The following SERPINA11 variants were observed in gnomAD, a reference collection of about 807,000 sequenced individuals.
SERPINA11 encodes serpin family A member 11.
A neutral mutation model predicts 29.4 loss-of-function variants in SERPINA11; 28 were observed. That is an observed-to-expected ratio of 0.95 (90% CI 0.70 to 1.30). SERPINA11 has a LOEUF of 1.30. SERPINA11 is among the 50% of genes most tolerant of loss of function. SERPINA11 has a pLI of 0.00. For synonymous variants in SERPINA11, 253 were observed against 206.6 expected (o/e 1.22, Z -1.92); for missense variants, 530 against 507.3 (o/e 1.04, Z -0.43).
At chr14:94,443,034 A>T in intron 4 of SERPINA11, 44 bp downstream of exon 4, 1 of 1,576,176 alleles carries the variant, frequency 6.3e-7, no homozygotes, top group Non-Finnish European at 8.6e-7. Context: ...GAAACCTCCT[A>T]CCTACCCCCA....
intron 1 of SERPINA11, among the ~76,000 whole-genome samples, chr14:94,450,043 G>C (rs537719553): frequency 6.6e-6 from 1 of 152,302 alleles, no homozygotes; most frequent in Admixed American, 6.5e-5. Context: ...CCAGGAGTGG[G>C]GAGCAAAGTA....
rs1898499891 is a variant in SERPINA11, at chr14:94,448,763, A to G, written c.12T>C (p.Ala4=). 6.6e-7 allele frequency: 1 copy of G among 1,510,788 alleles called. No individual in the cohort carries two copies. Among genetic ancestry groups the G allele is most frequent in the East Asian group, 2.3e-5 (1 of 43,904 alleles). The allele number at this position is 1,510,788 out of a possible 1,614,324, so 93.6% of individuals were successfully genotyped here. A position where few individuals can be genotyped will look rare whatever the true frequency, so the allele number is the denominator to read the frequency against. ...TCCCTGTTCCCAGTAGCCAAAGCCAAGCTGGACCCATTCTCTGAAAACAAG... is the reference window on the plus strand; with the variant it reads ...TCCCTGTTCCCAGTAGCCAAAGCCAGGCTGGACCCATTCTCTGAAAACAAG... The part of the protein sequence containing the change: MGP[A]WLWLLGTGIL... The change falls in exon 2 of 5, where the codon GCT becomes GCC. Residue 4 remains alanine (A), a synonymous_variant. Transcript: ENST00000334708.
rs774729784 is a variant in SERPINA11 at position 94,446,350 on chromosome 14, C to T, written c.898G>A (p.Gly300Ser). Residue 300 changes from glycine (G) to serine (S), a missense_variant, in exon 3 of 5, where the codon GGC becomes AGC. Physicochemically the swap from Gly to Ser is moderately conservative, Grantham distance 56. Transcript: ENST00000334708. ...ALQPQTLRKW[G>S]QLLLPSLLDL... The stretch of plus-strand genomic sequence containing the variant: ...ACTTACCTGGGCAGGAGCAATTGGC[C>T]CCATTTTCTCAGGGTCTGTGGCTGC... The T allele has an allele frequency of 1.9e-6, 3 of 1,613,188 alleles. No individual in the cohort carries two copies. The highest frequency in any genetic ancestry group is 3.3e-5 in the Admixed American group (2 of 59,954).
At chr14:94,448,924 G>A (rs1898503241) in intron 1 of SERPINA11, 147 bp from the exon 2 acceptor site, 1 of 644,302 alleles carries the variant, frequency 1.6e-6, no homozygotes, top group East Asian at 2.9e-5. Flanking sequence ...GGATGATTAG[G>A]ATTCTGGACA....
intron 2 of SERPINA11, 144 bp from the exon 3 acceptor site, chr14:94,446,748 T>G (rs1898447150): frequency 6.5e-6 from 5 of 763,680 alleles, no homozygotes; most frequent in African/African-American, 1.7e-5. Context: ...GAGACCAGAA[T>G]TTAGGCCTGG....
At chr14:94,449,447 TTC>T (rs1414872678) in intron 1 of SERPINA11, among the ~76,000 whole-genome samples, 1 of 112,224 alleles carries the variant, frequency 8.9e-6, no homozygotes, top group African/African-American at 5.0e-5. Flanking sequence ...CTTTCTTTCT[TTC>T]TTTCTTTCTT....
chr14:94,448,431 A>C lies in SERPINA11; in HGVS notation c.344T>G (p.Ile115Ser). The C allele has an allele frequency of 6.2e-7, 1 of 1,614,124 alleles. No homozygotes were observed. The highest frequency in any genetic ancestry group is 8.5e-7 in the Non-Finnish European group (1 of 1,180,022). ...GAGGAGGCTCCGGAAGCCCTGGTGGATGTCGGCTTCAGGGGTTTCTGTGAG... is the reference window on the plus strand; with the variant it reads ...GAGGAGGCTCCGGAAGCCCTGGTGGCTGTCGGCTTCAGGGGTTTCTGTGAG... ...FNLTETPEAD[I>S]HQGFRSLLHT... is the part of the protein sequence containing the mutation. The change falls in exon 2 of 5, where the codon ATC becomes AGC. Residue 115 changes from isoleucine to serine, a missense_variant. Transcript: ENST00000334708.
Position 94,448,347 on chromosome 14 carries a change from AG to A in SERPINA11, c.427del (p.Leu143Ter). The A allele has an allele frequency of 1.2e-6, 2 of 1,614,228 alleles. No individual in the cohort carries two copies. Among genetic ancestry groups the A allele is most frequent in the Non-Finnish European group, 1.7e-6 (2 of 1,180,048 alleles). ...LELKVGNSLF[L>X]DKRLKPRQHY... ...CTGCCGAGGCTTTAGTCGCTTGTCT[AG>A]GAACAGGGAGTTTCCTACTTTTAGT... is the stretch of plus-strand genomic sequence containing the variant. On this transcript the variant is annotated frameshift_variant, in exon 2 of 5. Coordinates refer to ENST00000334708, the MANE Select transcript of SERPINA11 (RefSeq NM_001080451.2). LOFTEE classifies it high-confidence loss of function.
intron 1 of SERPINA11, among the ~76,000 whole-genome samples, chr14:94,451,014 G>A (rs1189040272): frequency 2.0e-5 from 3 of 152,098 alleles, no homozygotes; most frequent in Non-Finnish European, 2.9e-5. Flanking sequence ...CTCTTCCACC[G>A]TTCCATTCAT....
Position 94,448,643 on chromosome 14 carries a change from G to T in SERPINA11, c.132C>A (p.Ala44=), listed in dbSNP as rs1293680666. 6.2e-7 allele frequency: 1 copy of T among 1,601,294 alleles called. No homozygotes were observed. Among genetic ancestry groups the T allele is most frequent in the Non-Finnish European group, 8.5e-7 (1 of 1,172,426 alleles). The change falls in exon 2 of 5, where the codon GCC becomes GCA. Residue 44 remains alanine (A), a synonymous_variant. Coordinates refer to ENST00000334708, the MANE Select transcript of SERPINA11 (RefSeq NM_001080451.2). The part of the protein sequence containing the change: ...QPPRHQLSEP[A]PAYHRITPTI... The stretch of plus-strand genomic sequence containing the variant: ...TGGGTGTGATTCTGTGGTAGGCGGG[G>T]GCTGGCTCTGAGAGCTGATGCCTGG...
chr14:94,448,047 G>T (rs556959501), intron 2 of SERPINA11, 85 bp downstream of exon 2: 3 of 1,326,254 alleles, frequency 2.3e-6, no homozygotes, highest in East Asian at 4.6e-5. Context: ...CAAGTGGTTA[G>T]CAAAGAACCT....
At chr14:94,442,940 T>G in intron 4 of SERPINA11, 131 bp from the exon 5 acceptor site, 2 of 1,260,134 alleles carry the variant, frequency 1.6e-6, no homozygotes, top group Non-Finnish European at 1.1e-6. Flanking sequence ...CATGAAGAGA[T>G]GCCTTAAAGA....
intron 1 of SERPINA11, among the ~76,000 whole-genome samples, chr14:94,450,003 C>T (rs558152114): frequency 1.3e-5 from 2 of 152,230 alleles, no homozygotes; most frequent in East Asian, 3.9e-4. Flanking sequence ...ATGTGAGGAT[C>T]GGCCATCTGG....
chr14:94,451,689 A>G (rs1438315751), intron 1 of SERPINA11, among the ~76,000 whole-genome samples: 2 of 152,210 alleles, frequency 1.3e-5, no homozygotes, highest in Non-Finnish European at 2.9e-5. Context: ...ACTGTGCAAA[A>G]GCAGCTGTCT....
At chr14:94,449,473 CTTTCTTTCTGTCTGTCTG>C (rs1566784738) in intron 1 of SERPINA11, among the ~76,000 whole-genome samples, 5 of 114,336 alleles carry the variant, frequency 4.4e-5, no homozygotes, top group African/African-American at 2.4e-4. Flanking sequence ...TTCTTTCTTT[CTTTCTTTCTGTCTGTCTG>C]TCTTTCTTTC....
intron 3 of SERPINA11, among the ~76,000 whole-genome samples, chr14:94,445,929 C>A (rs1482293593): frequency 6.6e-6 from 1 of 152,090 alleles, no homozygotes; most frequent in Non-Finnish European, 1.5e-5. Flanking sequence ...ACTTAACCAC[C>A]TTCTGTTCCT....
chr14:94,448,170 T>A lies in SERPINA11; in HGVS notation c.605A>T (p.Asp202Val). 1 of 1,614,214 alleles carries A rather than the reference T, an allele frequency of 6.2e-7. No individual in the cohort carries two copies. The highest frequency in any genetic ancestry group is 8.5e-7 in the Non-Finnish European group (1 of 1,180,012). Residue 202 changes from aspartate to valine, a missense_variant, in exon 2 of 5, where the codon GAC becomes GTC. Coordinates refer to ENST00000334708, the MANE Select transcript of SERPINA11 (RefSeq NM_001080451.2). The part of the protein sequence containing the change: ...VVDCLPEFSQ[D>V]TFMVLANYIF... ...GTAATTGGCAAGAACCATGAACGTG[T>A]CCTGGCTGAACTCCGGGAGGCAGTC... is the stretch of plus-strand genomic sequence containing the variant.
At chr14:94,448,888 A>T (rs986006525) in intron 1 of SERPINA11, 111 bp from the exon 2 acceptor site, 10 of 980,964 alleles carry the variant, frequency 1.0e-5, no homozygotes, top group Non-Finnish European at 1.3e-5. Flanking sequence ...GGCTGCCATG[A>T]GGGGCACTGA....
chr14:94,449,407 TTCTTTCTTTC>T (rs1898523750), intron 1 of SERPINA11, among the ~76,000 whole-genome samples: 1 of 3,324 alleles, frequency 3.0e-4, no homozygotes, highest in Non-Finnish European at 6.8e-4. Context: ...TTTCTTTCTA[TTCTTTCTTTC>T]TTTCTTTCTT....
Sources: allele counts gnomAD v4.1 joint callset (sites outside exome capture counted in the v4.1 genomes callset), GRCh38; gene constraint gnomAD v4.1.1; transcripts MANE v1.5; gene names NCBI Gene and HGNC (gene_info 2026-07-23, HGNC 2026-07-21).